SLC26A4: variants seen among roughly 807,000 people sequenced by gnomAD.
SLC26A4 encodes the protein solute carrier family 26 member 4.
SLC26A4 carries 93 observed loss-of-function variants against 90.4 expected under a neutral mutation model. The ratio of observed to expected loss-of-function variants is 1.03; its 90% CI spans 0.87 to 1.22. The LOEUF (loss-of-function observed/expected upper bound fraction) is 1.22, where lower values mean the gene tolerates loss of function less well. SLC26A4 is among the 50% of genes most tolerant of loss of function. The pLI is 0.00. For synonymous variants in SLC26A4, 393 were observed against 354.6 expected (o/e 1.11, Z -1.22); for missense variants, 1,127 against 946.2 (o/e 1.19, Z -2.51).
rs1791527351 is a variant in SLC26A4 at position 107,690,181 on chromosome 7, G to T, written c.1207G>T (p.Ala403Ser). ...IFSGFFSCFVATTALSRTAVQ... is the reference protein window; with the variant it reads ...IFSGFFSCFVSTTALSRTAVQ... ...CTCAGGATTCTTCTCTTGTTTTGTG[G>T]CCACCACTGCTCTTTCCCGCACGGC... Residue 403 changes from alanine to serine, a missense_variant, in exon 10 of 21, where the codon GCC (alanine) becomes TCC (serine). Ala to Ser is a moderately conservative substitution (Grantham distance 99, BLOSUM62 1). Transcript: ENST00000644269. The T allele has an allele frequency of 1.2e-6, 2 of 1,613,530 alleles. No homozygotes were observed. Among genetic ancestry groups the T allele is most frequent in the Non-Finnish European group, 1.7e-6 (2 of 1,179,570 alleles).
chr7:107,674,779 G>A (rs544564812), intron 5 of SLC26A4, among the ~76,000 whole-genome samples, 166 bp from the exon 6 acceptor site: 1 of 152,244 alleles, frequency 6.6e-6, no homozygotes, highest in South Asian at 2.1e-4. Flanking sequence ...TGGAGGAAGG[G>A]GAGTGATAGG....
intron 8 of SLC26A4, among the ~76,000 whole-genome samples, chr7:107,686,300 C>CCTCCCTTCCCTCCCTTTCCTACCTGCA (rs1562830909): frequency 5.4e-5 from 2 of 37,078 alleles, no homozygotes; most frequent in Admixed American, 2.5e-4. Flanking sequence ...TCCTACCTTC[C>CCTCCCTTCCCTCCCTTTCCTACCTGCA]CTCCCTTCCC....
At position 107,661,872 on chromosome 7, in the gene SLC26A4, G is replaced by A; in HGVS notation, c.164+67G>A. On this transcript the variant is annotated intron_variant, in intron 2 of 20. Transcript: ENST00000644269. This position sits in a 1 kb window ranked among gnomAD's most constrained non-coding sequence, Gnocchi z 5.1. ...GCGTCCACGCCTTGGGGAGGGAAGG[G>A]CGTCCCCAGCGGGCGAGAGTGGGGT... 6.7e-7 allele frequency: 1 copy of A among 1,481,696 alleles called. No homozygotes were observed. Among genetic ancestry groups the A allele is most frequent in the Non-Finnish European group, 9.0e-7 (1 of 1,109,378 alleles). 91.8% of individuals were successfully genotyped at this position (1,481,696 alleles called of 1,614,324 possible).
rs551267964 is a variant in SLC26A4, at chr7:107,663,542, A to G, written c.304+107A>G. On this transcript the variant is annotated intron_variant, in intron 3 of 20. Coordinates refer to ENST00000644269, the MANE Select transcript of SLC26A4 (RefSeq NM_000441.2). The stretch of plus-strand genomic sequence containing the variant: ...TGGTTGCTTACCCTTCAAGGCCTGT[A>G]TCTTTCCTGTAGAGCCCCTTAGTGG... 8.0e-6 allele frequency: 10 copies of G among 1,245,672 alleles called. No homozygotes were observed. In the African/African-American group the frequency reaches 1.0e-4, roughly 13 times the overall value. 77.2% of individuals were successfully genotyped at this position (1,245,672 alleles called of 1,614,324 possible). A position where few individuals can be genotyped will look rare whatever the true frequency, so the allele number is the denominator to read the frequency against.
intron 3 of SLC26A4, among the ~76,000 whole-genome samples, chr7:107,668,208 C>T (rs1351354649): frequency 6.6e-6 from 1 of 151,074 alleles, no homozygotes; most frequent in African/African-American, 2.4e-5. Context: ...TTTTGCCAGA[C>T]AAGAAAAGGA....
intron 6 of SLC26A4, among the ~76,000 whole-genome samples, chr7:107,675,470 GCA>G (rs769766073): frequency 7.3e-5 from 11 of 151,572 alleles, no homozygotes; most frequent in Non-Finnish European, 1.3e-4. Flanking sequence ...TCGCCCCACT[GCA>G]CTCCACCCTG....
chr7:107,703,092 T>A (rs1011026612), intron 17 of SLC26A4, among the ~76,000 whole-genome samples: 1 of 152,190 alleles, frequency 6.6e-6, no homozygotes, highest in African/African-American at 2.4e-5. Flanking sequence ...AAGAGACTAG[T>A]GATGAAGTAG....
At chr7:107,702,611 C>T (rs751567897) in intron 17 of SLC26A4, among the ~76,000 whole-genome samples, 1 of 151,446 alleles carries the variant, frequency 6.6e-6, no homozygotes, top group Non-Finnish European at 1.5e-5. Flanking sequence ...ATCGCTTGAA[C>T]CCGGGAGGTG....
intron 10 of SLC26A4, 116 bp downstream of exon 10, chr7:107,690,353 A>G (rs1791534493): frequency 2.7e-6 from 2 of 736,078 alleles, no homozygotes; most frequent in Non-Finnish European, 5.0e-6. Context: ...GTACTTCCTA[A>G]TCTGATTCAC....
chr7:107,663,313 C>G lies in SLC26A4; in HGVS notation c.182C>G (p.Ala61Gly), dbSNP rs545253625. The change falls in exon 3 of 21, where the codon GCC (alanine) becomes GGC (glycine). Residue 61 changes from alanine (A) to glycine (G), a missense_variant. Ala to Gly is a moderately conservative substitution (Grantham distance 60). Coordinates refer to ENST00000644269, the MANE Select transcript of SLC26A4 (RefSeq NM_000441.2). ...TTTGACAGTTGTTCAAGAAAGAGAG[C>G]CTTTGGTGTGCTAAAGACTCTTGTG... is the stretch of plus-strand genomic sequence containing the variant. ...AKCCSCSRKRAFGVLKTLVPI... is the reference protein window; with the variant it reads ...AKCCSCSRKRGFGVLKTLVPI... 1.5e-5 allele frequency: 25 copies of G among 1,614,114 alleles called. No homozygotes were observed. The highest frequency in any genetic ancestry group is 1.9e-5 in the Non-Finnish European group (23 of 1,180,004).
rs559810193 is a variant in SLC26A4, at chr7:107,672,990, T to C, written c.415+742T>C. Among the ~76,000 whole-genome samples the C allele has an allele frequency of 7.9e-5, 12 of 152,348 alleles. No homozygotes were observed. In the East Asian group the frequency reaches 2.1e-3, roughly 27 times the overall value. ...CTTGAAATAAATGCAACCATCTACTTTATCCCCAACCCATGTTTTTGTCCT... is the reference window on the plus strand; with the variant it reads ...CTTGAAATAAATGCAACCATCTACTCTATCCCCAACCCATGTTTTTGTCCT... On this transcript the variant is annotated intron_variant, in intron 4 of 20. Coordinates refer to ENST00000644269, the MANE Select transcript of SLC26A4 (RefSeq NM_000441.2).
rs1398959693 is a variant in SLC26A4 at position 107,683,471 on chromosome 7, C to T, written c.935C>T (p.Ala312Val). Residue 312 changes from alanine to valine, a missense_variant, in exon 8 of 21, where the codon GCC becomes GTC. By Grantham distance (64) the Ala-to-Val change is moderately conservative (BLOSUM62 0). Coordinates refer to ENST00000644269, the MANE Select transcript of SLC26A4 (RefSeq NM_000441.2). ...IEVIVTIIAT[A>V]ISYGANLEKN... Reference sequence around the variant, plus strand: ...TTATTTCAGACGATAATTGCTACTGCCATTTCATATGGAGCCAACCTGGAA... The same window carrying T: ...TTATTTCAGACGATAATTGCTACTGTCATTTCATATGGAGCCAACCTGGAA... The T allele has an allele frequency of 6.2e-7, 1 of 1,613,734 alleles. No homozygotes were observed. Among genetic ancestry groups the T allele is most frequent in the Non-Finnish European group, 8.5e-7 (1 of 1,179,734 alleles).
chr7:107,679,781 A>G (rs372531756), intron 6 of SLC26A4, among the ~76,000 whole-genome samples: 79 of 144,106 alleles, frequency 5.5e-4, no homozygotes, highest in Admixed American at 9.0e-4. Context: ...TGTAGAGTCT[A>G]ATTTCTATGT....
chr7:107,693,341 A>G, intron 10 of SLC26A4: 1 of 985,412 alleles, frequency 1.0e-6, no homozygotes, highest in Non-Finnish European at 1.2e-6. Flanking sequence ...ATATTGCCTC[A>G]GGCTGACCCA....
chr7:107,698,564 G>A (rs1393274360), intron 14 of SLC26A4, among the ~76,000 whole-genome samples: 3 of 152,088 alleles, frequency 2.0e-5, no homozygotes, highest in South Asian at 2.1e-4. Context: ...TGATTTGCCC[G>A]TCTTGGCCTC....
At position 107,672,185 on chromosome 7, in the gene SLC26A4, T is replaced by C. The variant is rs1382012103; in HGVS notation, c.352T>C (p.Tyr118His). 6.2e-7 allele frequency: 1 copy of C among 1,613,276 alleles called. No individual in the cohort carries two copies. The highest frequency in any genetic ancestry group is 8.5e-7 in the Non-Finnish European group (1 of 1,179,294). The change falls in exon 4 of 21, where the codon TAC (tyrosine) becomes CAC (histidine). Residue 118 changes from tyrosine to histidine, a missense_variant. Coordinates refer to ENST00000644269, the MANE Select transcript of SLC26A4 (RefSeq NM_000441.2). ...LAAVPVGYGLYSAFFPILTYF... is the reference protein window; with the variant it reads ...LAAVPVGYGLHSAFFPILTYF... ...TGCAGTTCCTGTCGGATATGGTCTC[T>C]ACTCTGCTTTTTTCCCTATCCTGAC... is the stretch of plus-strand genomic sequence containing the variant.
At chr7:107,690,311 G>C in intron 10 of SLC26A4, 74 bp downstream of exon 10, 1 of 904,146 alleles carries the variant, frequency 1.1e-6, no homozygotes, top group Non-Finnish European at 1.9e-6. Context: ...GGCTCGCACC[G>C]AGCTTAGCAG....
intron 14 of SLC26A4, among the ~76,000 whole-genome samples, chr7:107,699,700 G>T (rs186994300): frequency 6.6e-6 from 1 of 152,024 alleles, no homozygotes; most frequent in East Asian, 1.9e-4. Flanking sequence ...AGGCTGAGGC[G>T]GGTGAATCAC....
At position 107,672,261 on chromosome 7, in the gene SLC26A4, ATATTTTACAAT is replaced by A. The variant is rs759776272; in HGVS notation, c.415+17_415+27del. On this transcript the variant is annotated intron_variant, in intron 4 of 20. Coordinates refer to ENST00000644269, the MANE Select transcript of SLC26A4 (RefSeq NM_000441.2). ...CATATCTCAGTTGGTAATTATAAGT[ATATTTTACAAT>A]TATATTTGCTCATGTTTAAAGTGTT... 1.5e-5 allele frequency: 22 copies of A among 1,474,402 alleles called. No homozygotes were observed. Among genetic ancestry groups the A allele is most frequent in the Non-Finnish European group, 2.1e-5 (22 of 1,053,456 alleles). The allele number at this position is 1,474,402 out of a possible 1,614,324, so 91.3% of individuals were successfully genotyped here. A position where few individuals can be genotyped will look rare whatever the true frequency, so the allele number is the denominator to read the frequency against.
Sources: allele counts gnomAD v4.1 joint callset (sites outside exome capture counted in the v4.1 genomes callset), GRCh38; gene constraint gnomAD v4.1.1; non-coding constraint Gnocchi (gnomAD v3.1); transcripts MANE v1.5; gene names NCBI Gene and HGNC (gene_info 2026-07-23, HGNC 2026-07-21).